TOR1A: variants seen among roughly 807,000 people sequenced by gnomAD.
TOR1A encodes torsin-1A.
In TOR1A, 18 loss-of-function variants were observed where a neutral mutation model predicts 31.4. The observed-to-expected ratio is 0.57, with a 90% CI of 0.40 to 0.85. The LOEUF (loss-of-function observed/expected upper bound fraction) is 0.85, where lower values mean the gene tolerates loss of function less well. TOR1A is among the 40% of genes least tolerant of loss of function. TOR1A has a pLI of 0.00. For missense variants in TOR1A, 375 were observed against 416.4 expected (o/e 0.90, Z 0.87); for synonymous variants, 168 against 165.9 (o/e 1.01, Z -0.10).
chr9:129,824,127 G>T lies in TOR1A; in HGVS notation c.-42C>A. On this transcript the variant is annotated 5_prime_UTR_variant, in exon 1 of 5. Transcript: ENST00000351698. ...CCCTGCTTGTTCTCGCGCCGACCGC[G>T]AACCGGTGCAGCCGCCAGACCCACG... is the stretch of plus-strand genomic sequence containing the variant. 6.5e-7 allele frequency: 1 copy of T among 1,537,712 alleles called. No individual in the cohort carries two copies. The highest frequency in any genetic ancestry group is 8.7e-7 in the Non-Finnish European group (1 of 1,147,486).
rs11279539 is a variant in TOR1A at position 129,823,698 on chromosome 9, CCCCCAG to C, written c.178+204_178+209del. On this transcript the variant is annotated intron_variant, in intron 1 of 4. Transcript: ENST00000351698. Reference sequence around the variant, plus strand: ...CCCCAGCCCCCGGGCCCCGCTCCATCCCCCAGCCCCAGCCCCAGCCCCAACCCGGCC... The same window carrying C: ...CCCCAGCCCCCGGGCCCCGCTCCATCCCCCAGCCCCAGCCCCAACCCGGCC... 4,857 of 98,596 alleles carry C rather than the reference CCCCCAG, an allele frequency of 0.049. 396 individuals carry two copies. The highest frequency in any genetic ancestry group is 0.076 in the Non-Finnish European group (3,317 of 43,686). 6.1% of individuals were successfully genotyped at this position (98,596 alleles called of 1,614,324 possible).
chr9:129,818,709 C>T (rs536579306), intron 3 of TOR1A, 36 bp downstream of exon 3: 15 of 1,613,882 alleles, frequency 9.3e-6, no homozygotes, highest in Admixed American at 8.3e-5. Context: ...GGCTTGGGCT[C>T]GGGGCCCATC....
In TOR1A at chr9:129,823,914, G is replaced by C. The variant is rs763279296; in HGVS notation, c.172C>G (p.Arg58Gly). 6 of 1,191,210 alleles carry C rather than the reference G, an allele frequency of 5.0e-6. No individual in the cohort carries two copies. Among genetic ancestry groups the C allele is most frequent in the Admixed American group, 2.1e-5 (1 of 48,258 alleles). The allele number at this position is 1,191,210 out of a possible 1,614,324, so 73.8% of individuals were successfully genotyped here. The change falls in exon 1 of 5, where the codon CGG becomes GGG. Residue 58 changes from arginine to glycine, a missense_variant. By Grantham distance (125) the Arg-to-Gly change is moderately radical (BLOSUM62 -2). Coordinates refer to ENST00000351698, the MANE Select transcript of TOR1A (RefSeq NM_000113.3). ...AGCCCCCGCCCCAGCCTACCCTCCC[G>C]GCTAAGGCTCCGCTTCTGCCCGCAG... Reference protein sequence around the residue: ...ECCGQKRSLSREALQKDLDDN... With the variant: ...ECCGQKRSLSGEALQKDLDDN...
At chr9:129,816,399 ATGTGCGATG>A (rs2031040345) in intron 4 of TOR1A, among the ~76,000 whole-genome samples, 1 of 152,210 alleles carries the variant, frequency 6.6e-6, no homozygotes, top group Non-Finnish European at 1.5e-5. Flanking sequence ...ACATGTGTAC[ATGTGCGATG>A]TGTGCATATG....
chr9:129,817,506 TG>T (rs1273938870), intron 4 of TOR1A, among the ~76,000 whole-genome samples: 1 of 151,434 alleles, frequency 6.6e-6, no homozygotes, highest in Admixed American at 6.6e-5. Flanking sequence ...AAGACCATCC[TG>T]GCTAACATGG....
intron 1 of TOR1A, 42 bp downstream of exon 1, chr9:129,823,860 GCCCAGC>G (rs746879786): frequency 2.4e-5 from 37 of 1,523,352 alleles, no homozygotes; most frequent in South Asian, 1.2e-4. Context: ...TAGTGCCATC[GCCCAGC>G]CCCAGCCCCA....
intron 2 of TOR1A, among the ~76,000 whole-genome samples, chr9:129,821,091 T>G (rs1382978644): frequency 2.0e-5 from 3 of 152,122 alleles, no homozygotes; most frequent in Non-Finnish European, 4.4e-5. Context: ...GACCTTGAGG[T>G]CAGGAGTTTG....
intron 2 of TOR1A, among the ~76,000 whole-genome samples, chr9:129,819,271 C>T (rs1433243371): frequency 1.3e-5 from 2 of 152,132 alleles, no homozygotes; most frequent in African/African-American, 2.4e-5. Flanking sequence ...AGATGCTGCT[C>T]TTTTGTCATC....
intron 4 of TOR1A, 61 bp downstream of exon 4, chr9:129,818,459 T>C (rs2031095328): frequency 6.2e-7 from 1 of 1,609,562 alleles, no homozygotes; most frequent in Non-Finnish European, 8.5e-7. Flanking sequence ...CCTGATGCTT[T>C]TAACACTTAG....
At chr9:129,821,193 C>T (rs2031176684) in intron 2 of TOR1A, among the ~76,000 whole-genome samples, 1 of 152,094 alleles carries the variant, frequency 6.6e-6, no homozygotes. Context: ...ATACCAGCTA[C>T]TTGGGAGGCT....
chr9:129,817,801 G>A (rs1320438073), intron 4 of TOR1A, among the ~76,000 whole-genome samples: 3 of 115,474 alleles, frequency 2.6e-5, no homozygotes, highest in African/African-American at 6.9e-5. Flanking sequence ...AGGAAGTCAA[G>A]ACCAGCCTGG....
intron 4 of TOR1A, 108 bp from the exon 5 acceptor site, chr9:129,814,330 T>TG (rs2030977751): frequency 6.4e-7 from 1 of 1,551,792 alleles, no homozygotes; most frequent in African/African-American, 1.4e-5. Flanking sequence ...AAACGTCTAC[T>TG]GGGGGTCACC....
At chr9:129,822,432 T>C in intron 2 of TOR1A, 149 bp downstream of exon 2, 1 of 1,165,162 alleles carries the variant, frequency 8.6e-7, no homozygotes, top group South Asian at 1.3e-5. Flanking sequence ...CTCAAACTCT[T>C]AACTTCTACA....
Position 129,816,926 on chromosome 9 carries a change from G to A in TOR1A, c.748+1594C>T, listed in dbSNP as rs542755828. Reference sequence around the variant, plus strand: ...ATTTCTTGGCAAGTCTGTTTCAAATGAGCCCTTCTGTTTTGTCATCTCCAG... The same window carrying A: ...ATTTCTTGGCAAGTCTGTTTCAAATAAGCCCTTCTGTTTTGTCATCTCCAG... On this transcript the variant is annotated intron_variant, in intron 4 of 4. Transcript: ENST00000351698. Among the ~76,000 whole-genome samples the A allele has an allele frequency of 2.0e-5, 3 of 152,300 alleles. No homozygotes were observed. In the East Asian group the frequency reaches 5.8e-4, roughly 29 times the overall value.
Position 129,813,748 on chromosome 9 carries a change from T to C in TOR1A, c.*224A>G, listed in dbSNP as rs1168417509. ...AGTGGGCTGGGAGCTGGCTCCTTCC[T>C]TCTGTGCGTGTTCGGGAGGCTTCAC... On this transcript the variant is annotated 3_prime_UTR_variant, in exon 5 of 5. Coordinates refer to ENST00000351698, the MANE Select transcript of TOR1A (RefSeq NM_000113.3). 1.6e-6 allele frequency: 1 copy of C among 626,846 alleles called. No homozygotes were observed. The highest frequency in any genetic ancestry group is 2.8e-6 in the Non-Finnish European group (1 of 356,500). 38.8% of individuals were successfully genotyped at this position (626,846 alleles called of 1,614,324 possible). A position where few individuals can be genotyped will look rare whatever the true frequency, so the allele number is the denominator to read the frequency against.
chr9:129,814,427 ACACACCTAC>A (rs2131001648), intron 4 of TOR1A, among the ~76,000 whole-genome samples: 1 of 98,602 alleles, frequency 1.0e-5, no homozygotes, highest in African/African-American at 3.9e-5. Context: ...TCCATCCCAT[ACACACCTAC>A]TGGGTGTCAT....
At chr9:129,814,634 C>T (rs186375073) in intron 4 of TOR1A, among the ~76,000 whole-genome samples, 111 of 151,594 alleles carry the variant, frequency 7.3e-4, no homozygotes, top group Middle Eastern at 6.8e-3. Context: ...CCTCTTTACA[C>T]GGCGGGCTGG....
chr9:129,820,894 C>T (rs767952531), intron 2 of TOR1A, among the ~76,000 whole-genome samples: 4 of 152,166 alleles, frequency 2.6e-5, no homozygotes, highest in Admixed American at 6.5e-5. Flanking sequence ...CCACCACACC[C>T]GTGGAACATT....
intron 4 of TOR1A, 85 bp from the exon 5 acceptor site, chr9:129,814,307 C>A: frequency 4.4e-6 from 7 of 1,600,166 alleles, no homozygotes; most frequent in African/African-American, 1.3e-5. Flanking sequence ...ACCTACCCTC[C>A]CATCCGTCCC....
Sources: gnomAD v4.1 joint callset for allele counts (sites outside exome capture counted in the v4.1 genomes callset) on GRCh38, gnomAD v4.1.1 for gene constraint, MANE v1.5 for transcripts, NCBI Gene and HGNC (gene_info 2026-07-23, HGNC 2026-07-21) for gene names.